Variants in CNBD1 observed in about 807,000 individuals in gnomAD.
CNBD1 encodes cyclic nucleotide-binding domain-containing protein 1.
In CNBD1, 71 loss-of-function variants were observed where a neutral mutation model predicts 54.4. That is an observed-to-expected ratio of 1.30 (90% CI 1.08 to 1.59). The LOEUF is 1.59. CNBD1 is among the 40% of genes most tolerant of loss of function. The pLI is 0.00. For synonymous variants in CNBD1, 182 were observed against 170.7 expected, an observed-to-expected ratio of 1.07 and a Z score of -0.51; for missense variants, 659 against 518.0, an observed-to-expected ratio of 1.27 and a Z score of -2.64.
At chr8:87,381,303 G>A (rs1473866226) in intron 10 of CNBD1, among the ~76,000 whole-genome samples, 1 of 151,640 alleles carries the variant, frequency 6.6e-6, no homozygotes, top group Non-Finnish European at 1.5e-5. Flanking sequence ...GCCACTAACA[G>A]GAAAATGCAA....
At chr8:87,000,146 T>C (rs941045855) in intron 4 of CNBD1, among the ~76,000 whole-genome samples, 1 of 152,080 alleles carries the variant, frequency 6.6e-6, no homozygotes, top group South Asian at 2.1e-4. Context: ...ATAATCACCA[T>C]ATGCTGAGAG....
intron 8 of CNBD1, among the ~76,000 whole-genome samples, chr8:87,298,176 T>C (rs1395718779): frequency 6.6e-6 from 1 of 150,994 alleles, no homozygotes; most frequent in Non-Finnish European, 1.5e-5. Context: ...CTTTTTTTTA[T>C]TATAAAGGTA....
At chr8:86,971,393 T>C (rs921387784) in intron 4 of CNBD1, among the ~76,000 whole-genome samples, 3 of 152,140 alleles carry the variant, frequency 2.0e-5, no homozygotes, top group African/African-American at 7.2e-5. Flanking sequence ...CAAATGGGGA[T>C]TGCAATTTGA....
rs115837929 is a variant in CNBD1 at position 87,076,972 on chromosome 8, A to G, written c.432-129021A>G. On this transcript the variant is annotated intron_variant, in intron 4 of 10. Coordinates refer to ENST00000518476, the MANE Select transcript of CNBD1 (RefSeq NM_173538.3). ...TTCTGAAAATTTTGACTTTGTTGAC[A>G]TTAAAAAGCTATTTAATATTTGCTT... 7.8e-3 allele frequency among the ~76,000 whole-genome samples: 1,189 copies of G among 152,368 alleles called. 14 individuals are homozygous for G. Among genetic ancestry groups the G allele is most frequent in the African/African-American group, 0.028 (1,145 of 41,588 alleles).
chr8:87,353,651 C>G lies in CNBD1; in HGVS notation c.1168C>G (p.Leu390Val), dbSNP rs1198835620. 1 of 1,584,326 alleles carries G rather than the reference C, an allele frequency of 6.3e-7. No homozygotes were observed. Among genetic ancestry groups the G allele is most frequent in the South Asian group, 1.2e-5 (1 of 84,750 alleles). The part of the protein sequence containing the change: ...RSNKVKRSQK[L>V]VYMGKLKEKE... ...TTTTTAACAGAAAAGATCTCAAAAA[C>G]TTGTTTATATGGGGAAACTTAAGGA... The change falls in exon 10 of 11, where the codon CTT becomes GTT. Residue 390 changes from leucine (L) to valine (V), a missense_variant. Coordinates refer to ENST00000518476, the MANE Select transcript of CNBD1 (RefSeq NM_173538.3).
chr8:87,050,144 C>T (rs777072059), intron 4 of CNBD1, among the ~76,000 whole-genome samples: 5 of 152,096 alleles, frequency 3.3e-5, no homozygotes, highest in Admixed American at 6.5e-5. Flanking sequence ...TAGGGTGATA[C>T]AAAGGGTGAG....
At chr8:87,254,554 A>G (rs1010029847) in intron 6 of CNBD1, among the ~76,000 whole-genome samples, 1 of 152,180 alleles carries the variant, frequency 6.6e-6, no homozygotes, top group African/African-American at 2.4e-5. Context: ...TCATCAACTG[A>G]ATATTCTTCT....
At chr8:87,138,686 G>T (rs1228101991) in intron 4 of CNBD1, among the ~76,000 whole-genome samples, 1 of 152,122 alleles carries the variant, frequency 6.6e-6, no homozygotes, top group East Asian at 1.9e-4. Context: ...CTCCTCTCGG[G>T]TGTTCCCATG....
rs990179735 is a variant in CNBD1 at position 87,163,522 on chromosome 8, T to C, written c.432-42471T>C. Reference sequence around the variant, plus strand: ...CAATGTGTACAGTTTTCTTACCTCCTTGGTTAAATTTATTCCTAAGTATTT... The same window carrying C: ...CAATGTGTACAGTTTTCTTACCTCCCTGGTTAAATTTATTCCTAAGTATTT... On this transcript the variant is annotated intron_variant, in intron 4 of 10. Transcript: ENST00000518476. The surrounding 1 kb of genome is among the most constrained non-coding windows in gnomAD (Gnocchi z 4.5). Among the ~76,000 whole-genome samples the C allele has an allele frequency of 3.9e-5, 6 of 151,988 alleles. No homozygotes were observed. The highest frequency in any genetic ancestry group is 8.8e-5 in the Non-Finnish European group (6 of 67,942).
chr8:86,980,606 C>T (rs1450954211), intron 4 of CNBD1, among the ~76,000 whole-genome samples: 4 of 152,112 alleles, frequency 2.6e-5, no homozygotes, highest in African/African-American at 4.8e-5. Flanking sequence ...CATTAAGAGT[C>T]AAAGGGATTG....
chr8:87,061,280 G>A (rs1810540585), intron 4 of CNBD1, among the ~76,000 whole-genome samples: 1 of 152,140 alleles, frequency 6.6e-6, no homozygotes, highest in African/African-American at 2.4e-5. Context: ...AATAAGATTA[G>A]TGTCCTTAAT....
intron 4 of CNBD1, among the ~76,000 whole-genome samples, chr8:86,963,457 CAG>C (rs1807988239): frequency 6.6e-6 from 1 of 152,234 alleles, no homozygotes; most frequent in Middle Eastern, 3.4e-3. Flanking sequence ...AAAGGTGCCT[CAG>C]GGGGGTGTAT....
intron 4 of CNBD1, among the ~76,000 whole-genome samples, chr8:86,962,514 A>G (rs915495974): frequency 6.6e-6 from 1 of 152,160 alleles, no homozygotes; most frequent in Non-Finnish European, 1.5e-5. Context: ...GGCCGGGCAC[A>G]GTGGCTTACA....
At chr8:87,204,103 G>C (rs1813919992) in intron 4 of CNBD1, among the ~76,000 whole-genome samples, 1 of 152,182 alleles carries the variant, frequency 6.6e-6, no homozygotes. Flanking sequence ...GATGAGGAGT[G>C]TGGCACAATT....
intron 10 of CNBD1, among the ~76,000 whole-genome samples, chr8:87,371,614 C>G (rs1258492905): frequency 3.3e-5 from 5 of 151,952 alleles, no homozygotes; most frequent in Admixed American, 2.6e-4. Flanking sequence ...CTGAATCCAG[C>G]AGCACATCAA....
rs541229687 is a variant in CNBD1, at chr8:86,887,562, A to C, written c.109A>C (p.Ile37Leu). 6.4e-7 allele frequency: 1 copy of C among 1,574,680 alleles called. No individual in the cohort carries two copies. Among genetic ancestry groups the C allele is most frequent in the African/African-American group, 1.3e-5 (1 of 74,336 alleles). ...SIPNLKKSKH[I>L]NYGQLNALCH... Reference sequence around the variant, plus strand: ...TTCAGACTTGAAAAAGTCTAAGCACATTAATTATGGCCAGTTGAATGCATT... The same window carrying C: ...TTCAGACTTGAAAAAGTCTAAGCACCTTAATTATGGCCAGTTGAATGCATT... Residue 37 changes from isoleucine to leucine, a missense_variant, in exon 2 of 11, where the codon ATT (isoleucine) becomes CTT (leucine). By Grantham distance (5) the Ile-to-Leu change is conservative. Transcript: ENST00000518476.
chr8:87,129,797 C>T (rs1019481594), intron 4 of CNBD1, among the ~76,000 whole-genome samples: 1 of 151,748 alleles, frequency 6.6e-6, no homozygotes, highest in Non-Finnish European at 1.5e-5. Flanking sequence ...TTTTTTGACC[C>T]ATGGATATTT....
chr8:87,038,815 T>C (rs1176419895), intron 4 of CNBD1, among the ~76,000 whole-genome samples: 1 of 152,216 alleles, frequency 6.6e-6, no homozygotes, highest in Non-Finnish European at 1.5e-5. Flanking sequence ...TGGGAGTTGG[T>C]TAGATCAGAT....
chr8:86,938,163 C>G (rs1353840295), intron 3 of CNBD1, among the ~76,000 whole-genome samples: 1 of 152,168 alleles, frequency 6.6e-6, no homozygotes, highest in Non-Finnish European at 1.5e-5. Context: ...TAAAACATAG[C>G]AAGAGTCACC....
Sources: gnomAD v4.1 joint callset for allele counts (sites outside exome capture counted in the v4.1 genomes callset) on GRCh38, gnomAD v4.1.1 for gene constraint, Gnocchi (gnomAD v3.1) non-coding constraint, MANE v1.5 for transcripts, NCBI Gene and HGNC (gene_info 2026-07-23, HGNC 2026-07-21) for gene names.